Variants in TCERG1L observed in about 807,000 individuals in gnomAD.
The protein encoded by TCERG1L is transcription elongation regulator 1-like protein.
A neutral mutation model predicts 56.3 loss-of-function variants in TCERG1L; 37 were observed. That is an observed-to-expected ratio of 0.66 (90% CI 0.51 to 0.87). The LOEUF (loss-of-function observed/expected upper bound fraction) is 0.87. Ranked by LOEUF, TCERG1L falls within the 40% of genes least tolerant of loss-of-function variation. The pLI is 0.00. For synonymous variants in TCERG1L, 324 were observed against 326.3 expected (o/e 0.99, Z 0.08); for missense variants, 799 against 774.2 (o/e 1.03, Z -0.38).
intron 6 of TCERG1L, among the ~76,000 whole-genome samples, chr10:131,153,018 G>A (rs1023546151): frequency 1.3e-5 from 2 of 152,120 alleles, no homozygotes; most frequent in Non-Finnish European, 2.9e-5. Context: ...TACAATTCGA[G>A]GTAAGATTTG....
intron 4 of TCERG1L, among the ~76,000 whole-genome samples, chr10:131,233,713 A>G (rs1294536966): frequency 1.3e-5 from 2 of 152,208 alleles, no homozygotes; most frequent in Non-Finnish European, 1.5e-5. Flanking sequence ...ATCTCCATTA[A>G]ACGTTTAAGA....
At chr10:131,181,631 C>T (rs958080645) in intron 4 of TCERG1L, among the ~76,000 whole-genome samples, 5 of 152,238 alleles carry the variant, frequency 3.3e-5, no homozygotes, top group Non-Finnish European at 5.9e-5. Flanking sequence ...CTGCTGCCAG[C>T]GTCTGCCTGT....
At chr10:131,243,448 G>T (rs894739100) in intron 4 of TCERG1L, among the ~76,000 whole-genome samples, 1 of 152,128 alleles carries the variant, frequency 6.6e-6, no homozygotes, top group South Asian at 2.1e-4. Flanking sequence ...CGGTGTAGTG[G>T]TATGCACCTG....
At chr10:131,193,783 A>T (rs1472960651) in intron 4 of TCERG1L, among the ~76,000 whole-genome samples, 2 of 152,210 alleles carry the variant, frequency 1.3e-5, no homozygotes, top group Admixed American at 6.5e-5. Flanking sequence ...TGATGCCTCT[A>T]GCTTTTTCCT....
chr10:131,239,855 A>T (rs1845952454), intron 4 of TCERG1L, among the ~76,000 whole-genome samples: 1 of 152,200 alleles, frequency 6.6e-6, no homozygotes, highest in Non-Finnish European at 1.5e-5. Flanking sequence ...GGCCCCTAGA[A>T]AGCGTGCATT....
intron 3 of TCERG1L, among the ~76,000 whole-genome samples, chr10:131,285,505 A>AG (rs1564833881): frequency 6.9e-5 from 3 of 43,660 alleles, no homozygotes; most frequent in Non-Finnish European, 1.1e-4. Context: ...AGAAAGAAAG[A>AG]AAGAAAGAAA....
rs930264258 is a variant in TCERG1L, at chr10:131,311,114, G to A, written c.342+180C>T. Among the ~76,000 whole-genome samples, 9 of 152,168 alleles carry A rather than the reference G, an allele frequency of 5.9e-5. No individual in the cohort carries two copies. The highest frequency in any genetic ancestry group is 1.2e-4 in the Non-Finnish European group (8 of 68,032). On this transcript the variant is annotated intron_variant, in intron 1 of 11. Transcript: ENST00000368642. The surrounding 1 kb of genome is among the most constrained non-coding windows in gnomAD (Gnocchi z 4.0). ...AAGCTGCGGAGGTGGACGACCGGGC[G>A]TCCAAGCACGAACTTTCTCGCCGAG... is the stretch of plus-strand genomic sequence containing the variant.
chr10:131,195,244 C>G (rs1382027697), intron 4 of TCERG1L, among the ~76,000 whole-genome samples: 1 of 152,202 alleles, frequency 6.6e-6, no homozygotes, highest in Non-Finnish European at 1.5e-5. Flanking sequence ...GAAGCCTGAT[C>G]ACAGCTTTTA....
rs549679470 is a variant in TCERG1L, at chr10:131,261,306, GTCTGGCCAGC to G, written c.671-872_671-863del. Among the ~76,000 whole-genome samples the G allele has an allele frequency of 2.1e-4, 32 of 152,344 alleles. No individual in the cohort carries two copies. In the South Asian group the frequency reaches 6.4e-3, roughly 31 times the overall value. ...ATTTTATATGGATGGTGGAAACTTA[GTCTGGCCAGC>G]TCTGGACAGCAATTTGGAAATATGT... On this transcript the variant is annotated intron_variant, in intron 3 of 11. Coordinates refer to ENST00000368642, the MANE Select transcript of TCERG1L (RefSeq NM_174937.4).
chr10:131,208,076 A>G (rs977676231), intron 4 of TCERG1L, among the ~76,000 whole-genome samples: 3 of 152,030 alleles, frequency 2.0e-5, no homozygotes. Context: ...TGCCTAGCCC[A>G]CTATCCCACA....
chr10:131,297,732 C>A (rs545127128), intron 3 of TCERG1L, among the ~76,000 whole-genome samples: 1 of 152,168 alleles, frequency 6.6e-6, no homozygotes, highest in Non-Finnish European at 1.5e-5. Context: ...AGAGTTAAAT[C>A]ATAAATTTAC....
At chr10:131,302,450 T>A (rs1459553864) in intron 3 of TCERG1L, among the ~76,000 whole-genome samples, 2 of 151,904 alleles carry the variant, frequency 1.3e-5, no homozygotes, top group Admixed American at 1.3e-4. Flanking sequence ...TATAATATTA[T>A]GAGACAAGGA....
chr10:131,248,841 C>T (rs564110967), intron 4 of TCERG1L, among the ~76,000 whole-genome samples: 4 of 152,210 alleles, frequency 2.6e-5, no homozygotes, highest in African/African-American at 7.2e-5. Flanking sequence ...CACAGCCCCC[C>T]CAACCGGTGC....
chr10:131,136,830 C>T (rs1845680723), intron 7 of TCERG1L, among the ~76,000 whole-genome samples: 2 of 151,844 alleles, frequency 1.3e-5, no homozygotes. Flanking sequence ...GCTGTGGGAA[C>T]CTGCTCTTCC....
chr10:131,100,584 C>A (rs1197725385), intron 10 of TCERG1L, among the ~76,000 whole-genome samples: 2 of 152,074 alleles, frequency 1.3e-5, no homozygotes, highest in Non-Finnish European at 2.9e-5. Context: ...TATGTTCTAG[C>A]GCAAAAAAAC....
At chr10:131,152,058 C>A (rs1413856446) in intron 6 of TCERG1L, among the ~76,000 whole-genome samples, 1 of 152,206 alleles carries the variant, frequency 6.6e-6, no homozygotes, top group African/African-American at 2.4e-5. Context: ...CCTGTAATGG[C>A]AGGAGTTACC....
rs71478082 is a variant in TCERG1L, at chr10:131,309,179, T to C, written c.463A>G (p.Ile155Val). The change falls in exon 2 of 12, where the codon ATA becomes GTA. Residue 155 changes from isoleucine (I) to valine (V), a missense_variant. Ile to Val is a conservative substitution (Grantham distance 29). Coordinates refer to ENST00000368642, the MANE Select transcript of TCERG1L (RefSeq NM_174937.4). ...TTACAGTTAGGAATCCTTTTGTCTATCCAACTTTTCCCAATAGGGGTTGCA... is the reference window on the plus strand; with the variant it reads ...TTACAGTTAGGAATCCTTTTGTCTACCCAACTTTTCCCAATAGGGGTTGCA... ...ALATPIGKSW[I>V]DKRIPNCKIF... 6 of 1,609,486 alleles carry C rather than the reference T, an allele frequency of 3.7e-6. No homozygotes were observed. The highest frequency in any genetic ancestry group is 4.2e-6 in the Non-Finnish European group (5 of 1,178,232).
intron 3 of TCERG1L, among the ~76,000 whole-genome samples, chr10:131,284,653 A>G (rs1158683199): frequency 6.6e-6 from 1 of 150,780 alleles, no homozygotes; most frequent in Non-Finnish European, 1.5e-5. Flanking sequence ...GGAAATGAAC[A>G]AGTACTTTTT....
chr10:131,289,271 C>T (rs1199912323), intron 3 of TCERG1L, among the ~76,000 whole-genome samples: 1 of 151,910 alleles, frequency 6.6e-6, no homozygotes, highest in Non-Finnish European at 1.5e-5. Context: ...GCAGGTGATA[C>T]TCTCCTTTTC....
Sources: allele counts gnomAD v4.1 joint callset (sites outside exome capture counted in the v4.1 genomes callset), GRCh38; gene constraint gnomAD v4.1.1; non-coding constraint Gnocchi (gnomAD v3.1); transcripts MANE v1.5; gene names NCBI Gene and HGNC (gene_info 2026-07-23, HGNC 2026-07-21).